Variants in LRIG1 observed in about 807,000 individuals in gnomAD.
LRIG1 encodes leucine rich repeats and immunoglobulin like domains 1.
LRIG1 carries 48 observed loss-of-function variants against 99.2 expected under a neutral mutation model. That is an observed-to-expected ratio of 0.48 (90% CI 0.38 to 0.62). The LOEUF (loss-of-function observed/expected upper bound fraction) is 0.62. Among genes scored for constraint, LRIG1 ranks in the 20% least tolerant of loss-of-function variants. LRIG1 has a pLI of 0.00. For missense variants in LRIG1, 1,646 were observed against 1,434.4 expected (o/e 1.15, Z -2.38); for synonymous variants, 772 against 596.1 (o/e 1.29, Z -4.30).
chr3:66,407,556 G>A, intron 7 of LRIG1, 65 bp from the exon 8 acceptor site: 1 of 1,582,544 alleles, frequency 6.3e-7, no homozygotes, highest in Non-Finnish European at 8.6e-7. Context: ...CACCCCACCG[G>A]AAATTGGGCC....
intron 12 of LRIG1, among the ~76,000 whole-genome samples, chr3:66,389,076 C>G (rs1701515119): frequency 6.6e-6 from 1 of 152,014 alleles, no homozygotes; most frequent in Admixed American, 6.6e-5. Context: ...ATGTGTACGA[C>G]AACAGTAACA....
At chr3:66,385,401 G>C (rs1701323866) in intron 13 of LRIG1, among the ~76,000 whole-genome samples, 1 of 152,192 alleles carries the variant, frequency 6.6e-6, no homozygotes, top group Non-Finnish European at 1.5e-5. Flanking sequence ...GGCTTATAGA[G>C]GATAAGAACT....
intron 9 of LRIG1, chr3:66,404,302 G>C (rs757688666): frequency 1.0e-5 from 13 of 1,289,222 alleles, no homozygotes; most frequent in Non-Finnish European, 1.2e-5. Context: ...CTCGCACTCT[G>C]CTGAGCTCCC....
chr3:66,429,534 C>T (rs190984809), intron 3 of LRIG1, among the ~76,000 whole-genome samples: 82 of 152,234 alleles, frequency 5.4e-4, no homozygotes, highest in African/African-American at 1.9e-3. Context: ...ACTATGGAGA[C>T]AGTAACAATA....
In LRIG1 at chr3:66,380,914, C is replaced by A. The variant is rs1277363418; in HGVS notation, c.2771-53G>T. On this transcript the variant is annotated intron_variant, in intron 17 of 18. Coordinates refer to ENST00000273261, the MANE Select transcript of LRIG1 (RefSeq NM_015541.3). ...GAGTCACTGCTGTGGGAGTCTTCGT[C>A]CCCACACAGAGGACAGGCTGCTCAG... 9 of 1,575,894 alleles carry A rather than the reference C, an allele frequency of 5.7e-6. No individual in the cohort carries two copies. The South Asian group carries it at 6.9e-5, about 12-fold the overall frequency.
At position 66,381,691 on chromosome 3, in the gene LRIG1, A is replaced by C. The variant is rs1701076147; in HGVS notation, c.2618-60T>G. 24 of 1,560,846 alleles carry C rather than the reference A, an allele frequency of 1.5e-5. No homozygotes were observed. The East Asian group carries it at 5.4e-4, about 35-fold the overall frequency. ...GGCTTGGTATTTCACAGTAAGCCTT[A>C]TGAAAGGAATGAGCAAGGCCGCTAG... On this transcript the variant is annotated intron_variant, in intron 16 of 18. Coordinates refer to ENST00000273261, the MANE Select transcript of LRIG1 (RefSeq NM_015541.3).
rs1701324451 is a variant in LRIG1 at position 66,500,184 on chromosome 3, A to T, written c.218+6T>A. 6.6e-7 allele frequency: 1 copy of T among 1,514,194 alleles called. No homozygotes were observed. Among genetic ancestry groups the T allele is most frequent in the African/African-American group, 1.4e-5 (1 of 70,404 alleles). 93.8% of individuals were successfully genotyped at this position (1,514,194 alleles called of 1,614,324 possible). ...GCGCAGAGAGGGCGGAAAGGGCGGC[A>T]CTCACAGGCTCCGCGTCCAGGAGGG... On this transcript the variant is annotated splice_donor_region_variant and intron_variant, in intron 1 of 18. Transcript: ENST00000273261.
intron 9 of LRIG1, among the ~76,000 whole-genome samples, chr3:66,403,765 C>A (rs1702153924): frequency 6.6e-6 from 1 of 152,200 alleles, no homozygotes; most frequent in Non-Finnish European, 1.5e-5. Context: ...CCAGGTTCCT[C>A]CGGACTGACA....
At chr3:66,454,214 G>A (rs1277140011) in intron 2 of LRIG1, among the ~76,000 whole-genome samples, 4 of 152,268 alleles carry the variant, frequency 2.6e-5, no homozygotes, top group African/African-American at 9.6e-5. Context: ...GAGTAAGTCT[G>A]TTAGCTCCAC....
At chr3:66,444,138 T>C (rs915702880) in intron 3 of LRIG1, among the ~76,000 whole-genome samples, 3 of 152,334 alleles carry the variant, frequency 2.0e-5, no homozygotes, top group African/African-American at 7.2e-5. Context: ...GATGCTCACC[T>C]GTAAGCAGAG....
chr3:66,382,905 C>G, intron 15 of LRIG1, 77 bp downstream of exon 15: 4 of 1,389,232 alleles, frequency 2.9e-6, no homozygotes, highest in Non-Finnish European at 3.9e-6. Context: ...TCAAAAGCCA[C>G]TGGAACCCGG....
intron 3 of LRIG1, among the ~76,000 whole-genome samples, chr3:66,427,820 C>A (rs536128367): frequency 6.6e-6 from 1 of 152,260 alleles, no homozygotes; most frequent in South Asian, 2.1e-4. Flanking sequence ...CCAAAGGAAA[C>A]CTCTAATTTC....
At chr3:66,427,483 A>G (rs1381366027) in intron 3 of LRIG1, among the ~76,000 whole-genome samples, 2 of 152,190 alleles carry the variant, frequency 1.3e-5, no homozygotes, top group African/African-American at 4.8e-5. Flanking sequence ...AAAAACACAC[A>G]TGAAGGTGAT....
chr3:66,417,163 T>C lies in LRIG1; in HGVS notation c.469A>G (p.Thr157Ala). Reference sequence around the variant, plus strand: ...ATAGGCGGTCCGTGTGGAAAGCAGGTGTTCCGCACTTCCGTGATGTTGTTC... The same window carrying C: ...ATAGGCGGTCCGTGTGGAAAGCAGGCGTTCCGCACTTCCGTGATGTTGTTC... ...SLNNITEVRN[T>A]CFPHGPPIKE... Residue 157 changes from threonine to alanine, a missense_variant, in exon 4 of 19, where the codon ACC becomes GCC. Thr to Ala is a moderately conservative substitution (Grantham distance 58). Coordinates refer to ENST00000273261, the MANE Select transcript of LRIG1 (RefSeq NM_015541.3). The C allele has an allele frequency of 6.2e-7, 1 of 1,614,178 alleles. No individual in the cohort carries two copies. The highest frequency in any genetic ancestry group is 1.1e-5 in the South Asian group (1 of 91,080).
At chr3:66,383,903 A>C in intron 14 of LRIG1, 88 bp downstream of exon 14, 1 of 1,524,142 alleles carries the variant, frequency 6.6e-7, no homozygotes, top group Non-Finnish European at 8.8e-7. Flanking sequence ...CACAACGCAT[A>C]CCACCCCTGG....
intron 9 of LRIG1, among the ~76,000 whole-genome samples, chr3:66,401,278 C>G (rs1277063737): frequency 6.6e-6 from 1 of 152,202 alleles, no homozygotes; most frequent in South Asian, 2.1e-4. Flanking sequence ...CCACAAAACT[C>G]GCCAGCAAGT....
At chr3:66,452,700 A>T (rs1703946062) in intron 2 of LRIG1, among the ~76,000 whole-genome samples, 1 of 152,200 alleles carries the variant, frequency 6.6e-6, no homozygotes, top group Non-Finnish European at 1.5e-5. Context: ...ATGTGCTTGA[A>T]GAGAATAATC....
intron 1 of LRIG1, among the ~76,000 whole-genome samples, chr3:66,482,249 G>C (rs1241282403): frequency 1.3e-5 from 2 of 152,250 alleles, no homozygotes; most frequent in Non-Finnish European, 2.9e-5. Context: ...TGCCTGTTGA[G>C]AGCACAGTTT....
At chr3:66,402,974 C>T (rs540436107) in intron 9 of LRIG1, among the ~76,000 whole-genome samples, 3 of 152,294 alleles carry the variant, frequency 2.0e-5, no homozygotes, top group Admixed American at 6.5e-5. Context: ...CTGTGATAGG[C>T]CAAACACAGC....
Sources: allele counts gnomAD v4.1 joint callset (sites outside exome capture counted in the v4.1 genomes callset), GRCh38; gene constraint gnomAD v4.1.1; transcripts MANE v1.5; gene names NCBI Gene and HGNC (gene_info 2026-07-23, HGNC 2026-07-21).